SRP72: variants seen among roughly 807,000 people sequenced by gnomAD.
SRP72 encodes the protein signal recognition particle subunit SRP72.
Under a neutral mutation model 96.3 loss-of-function variants are expected in SRP72, and 49 were observed. The ratio of observed to expected loss-of-function variants is 0.51; its 90% CI spans 0.40 to 0.65. SRP72 has a LOEUF of 0.65. Among genes scored for constraint, SRP72 ranks in the 30% least tolerant of loss-of-function variants. SRP72 has a pLI of 0.00. For missense variants in SRP72, 736 were observed against 793.3 expected (o/e 0.93, Z 0.87); for synonymous variants, 267 against 275.2 (o/e 0.97, Z 0.30).
chr4:56,478,688 C>G, intron 8 of SRP72, 39 bp downstream of exon 8: 1 of 1,581,956 alleles, frequency 6.3e-7, no homozygotes, highest in Non-Finnish European at 8.6e-7. Flanking sequence ...ATATTTTACC[C>G]TGAAAGCTCA....
Position 56,488,818 on chromosome 4 carries a change from T to C in SRP72, c.1225-570T>C, listed in dbSNP as rs574491924. Among the ~76,000 whole-genome samples, 21 of 152,282 alleles carry C rather than the reference T, an allele frequency of 1.4e-4. No homozygotes were observed. The South Asian group carries it at 4.4e-3, about 32-fold the overall frequency. ...GTATTTTTTTCTTTTTCCCTCTGAT[T>C]AGCCTGTCCAGAGGTTTATCAGTTT... On this transcript the variant is annotated intron_variant, in intron 12 of 18. Transcript: ENST00000642900.
At chr4:56,488,713 A>C (rs1363921263) in intron 12 of SRP72, among the ~76,000 whole-genome samples, 1 of 152,200 alleles carries the variant, frequency 6.6e-6, no homozygotes, top group African/African-American at 2.4e-5. Flanking sequence ...CTTTATTGGC[A>C]TAAAAGTTCT....
At chr4:56,483,010 A>T in intron 8 of SRP72, 129 bp from the exon 9 acceptor site, 1 of 734,774 alleles carries the variant, frequency 1.4e-6, no homozygotes, top group Non-Finnish European at 2.2e-6. Context: ...TATGCATCTT[A>T]TTAGCTTAGG....
At position 56,501,933 on chromosome 4, in the gene SRP72, A is replaced by G. The variant is rs759300890; in HGVS notation, c.*72A>G. On this transcript the variant is annotated 3_prime_UTR_variant, in exon 19 of 19. Coordinates refer to ENST00000642900, the MANE Select transcript of SRP72 (RefSeq NM_006947.4). ...ACTAGGAATATAATAAAGGTAACAC[A>G]GCAAGAAGCACAGAACTACTCCCTC... The G allele has an allele frequency of 6.7e-7, 1 of 1,486,476 alleles. No individual in the cohort carries two copies. Among genetic ancestry groups the G allele is most frequent in the Non-Finnish European group, 9.3e-7 (1 of 1,069,634 alleles). 92.1% of individuals were successfully genotyped at this position (1,486,476 alleles called of 1,614,324 possible).
chr4:56,476,158 T>C (rs1720213573), intron 5 of SRP72: 1 of 159,224 alleles, frequency 6.3e-6, no homozygotes, highest in African/African-American at 2.4e-5. Context: ...GGCTCACAGC[T>C]ATAGTCCCAG....
chr4:56,484,568 C>T (rs1019919310), intron 9 of SRP72, among the ~76,000 whole-genome samples, 168 bp from the exon 10 acceptor site: 1 of 152,100 alleles, frequency 6.6e-6, no homozygotes, highest in African/African-American at 2.4e-5. Flanking sequence ...CATTTTCTTA[C>T]AAGAAAAAAT....
Position 56,473,944 on chromosome 4 carries a change from G to A in SRP72, c.355-110G>A, listed in dbSNP as rs190664041. ...AAAACATAAACAGTTGATTGTTCAT[G>A]TTATGCTGAACTAGGATTCCTACTT... is the stretch of plus-strand genomic sequence containing the variant. On this transcript the variant is annotated intron_variant, in intron 3 of 18. Transcript: ENST00000642900. 32 of 1,035,782 alleles carry A rather than the reference G, an allele frequency of 3.1e-5. No individual in the cohort carries two copies. In the African/African-American group the frequency reaches 3.7e-4, roughly 12 times the overall value. 64.2% of individuals were successfully genotyped at this position (1,035,782 alleles called of 1,614,324 possible).
chr4:56,501,978 A>G lies in SRP72; in HGVS notation c.*117A>G. ...TCCCTCTTCATCTCCATATTTTCATAATTTCTTGTGTTTCAAATAGGGAAA... is the reference window on the plus strand; with the variant it reads ...TCCCTCTTCATCTCCATATTTTCATGATTTCTTGTGTTTCAAATAGGGAAA... On this transcript the variant is annotated 3_prime_UTR_variant, in exon 19 of 19. Coordinates refer to ENST00000642900, the MANE Select transcript of SRP72 (RefSeq NM_006947.4). 8.9e-7 allele frequency: 1 copy of G among 1,119,774 alleles called. No homozygotes were observed. Among genetic ancestry groups the G allele is most frequent in the East Asian group, 2.5e-5 (1 of 39,804 alleles). The allele number at this position is 1,119,774 out of a possible 1,614,324, so 69.4% of individuals were successfully genotyped here. A position where few individuals can be genotyped will look rare whatever the true frequency, so the allele number is the denominator to read the frequency against.
intron 3 of SRP72, among the ~76,000 whole-genome samples, chr4:56,472,435 T>C (rs1720014273): frequency 6.7e-6 from 1 of 149,222 alleles, no homozygotes; most frequent in Non-Finnish European, 1.5e-5. Flanking sequence ...AGCCTCTGAC[T>C]CCCAGGTTCA....
At chr4:56,471,625 C>G (rs868499453) in intron 2 of SRP72, 95 bp from the exon 3 acceptor site, 5 of 1,406,620 alleles carry the variant, frequency 3.6e-6, no homozygotes, top group South Asian at 1.5e-5. Context: ...CATCTGTTAT[C>G]AGGACTAAAT....
chr4:56,477,389 C>G (rs973971180), intron 6 of SRP72, among the ~76,000 whole-genome samples: 3 of 145,008 alleles, frequency 2.1e-5, no homozygotes, highest in African/African-American at 7.7e-5. Flanking sequence ...ACTGTAACCT[C>G]AAACTCCTGG....
intron 16 of SRP72, among the ~76,000 whole-genome samples, chr4:56,495,001 AG>A (rs1442816638): frequency 6.6e-6 from 1 of 152,218 alleles, no homozygotes; most frequent in Non-Finnish European, 1.5e-5. Flanking sequence ...TATTCTCTAA[AG>A]TCTTGCCAAA....
intron 10 of SRP72, among the ~76,000 whole-genome samples, chr4:56,485,742 A>G (rs1578188305): frequency 6.6e-6 from 1 of 152,078 alleles, no homozygotes; most frequent in Non-Finnish European, 1.5e-5. Context: ...GCGGAGTTGC[A>G]GTGAGCCGAG....
intron 12 of SRP72, among the ~76,000 whole-genome samples, chr4:56,488,781 T>C (rs1343849146): frequency 2.0e-5 from 3 of 152,198 alleles, no homozygotes; most frequent in Admixed American, 2.0e-4. Context: ...ATTCCTGATA[T>C]TGGTTATTCA....
intron 5 of SRP72, among the ~76,000 whole-genome samples, chr4:56,475,520 C>T (rs1236280843): frequency 1.3e-5 from 2 of 149,464 alleles, no homozygotes; most frequent in African/African-American, 2.5e-5. Flanking sequence ...TGAAATCATA[C>T]CACTGTATTC....
intron 9 of SRP72, 23 bp from the exon 10 acceptor site, chr4:56,484,713 T>TG (rs749379327): frequency 6.2e-7 from 1 of 1,611,772 alleles, no homozygotes; most frequent in South Asian, 1.1e-5. Flanking sequence ...TTATTTTTCT[T>TG]GTGGGGGTTG....
At chr4:56,495,097 A>G (rs1721030277) in intron 16 of SRP72, among the ~76,000 whole-genome samples, 1 of 152,102 alleles carries the variant, frequency 6.6e-6, no homozygotes, top group Admixed American at 6.6e-5. Context: ...CCACTGAAAA[A>G]CTTTTTTCAG....
chr4:56,480,929 T>C (rs1053259042), intron 8 of SRP72, among the ~76,000 whole-genome samples: 11 of 152,128 alleles, frequency 7.2e-5, no homozygotes, highest in Non-Finnish European at 1.0e-4. Flanking sequence ...AAAGTACATA[T>C]GAAGAAATAT....
intron 5 of SRP72, among the ~76,000 whole-genome samples, chr4:56,475,403 A>ATATATATAT (rs1553945338): frequency 4.6e-5 from 7 of 150,862 alleles, no homozygotes; most frequent in African/African-American, 1.7e-4. Flanking sequence ...ACAAAAAAAA[A>ATATATATAT]ATATATATGT....
Sources: allele counts gnomAD v4.1 joint callset (sites outside exome capture counted in the v4.1 genomes callset), GRCh38; gene constraint gnomAD v4.1.1; transcripts MANE v1.5; gene names NCBI Gene and HGNC (gene_info 2026-07-23, HGNC 2026-07-21).